FBLN2: variants seen among roughly 807,000 people sequenced by gnomAD.
FBLN2 encodes the protein fibulin-2.
Under a neutral mutation model 123.7 loss-of-function variants are expected in FBLN2, and 81 were observed. The ratio of observed to expected loss-of-function variants is 0.65; its 90% CI spans 0.55 to 0.79. The LOEUF (loss-of-function observed/expected upper bound fraction) is 0.79. Among genes scored for constraint, FBLN2 ranks in the 30% least tolerant of loss-of-function variants. FBLN2 has a pLI of 0.00. For missense variants in FBLN2, 1,603 were observed against 1,681.3 expected (o/e 0.95, Z 0.81); for synonymous variants, 699 against 701.4 (o/e 1.00, Z 0.05).
At chr3:13,604,090 T>A (rs538595661) in intron 2 of FBLN2, among the ~76,000 whole-genome samples, 3 of 152,336 alleles carry the variant, frequency 2.0e-5, no homozygotes, top group African/African-American at 7.2e-5. Flanking sequence ...GGTTGTTTGA[T>A]TTTTTCTTGT....
chr3:13,569,323 A>G (rs886315645), intron 1 of FBLN2, among the ~76,000 whole-genome samples: 4 of 151,962 alleles, frequency 2.6e-5, no homozygotes, highest in African/African-American at 7.3e-5. Context: ...CTTTCTGGCC[A>G]TGGGAAACTG....
chr3:13,636,190 G>T (rs1706459239), intron 16 of FBLN2, among the ~76,000 whole-genome samples: 1 of 152,212 alleles, frequency 6.6e-6, no homozygotes, highest in South Asian at 2.1e-4. Context: ...GGCATCCAGG[G>T]GAGGGAGCTG....
intron 2 of FBLN2, among the ~76,000 whole-genome samples, chr3:13,605,439 A>G (rs1391026598): frequency 6.6e-6 from 1 of 152,156 alleles, no homozygotes; most frequent in Non-Finnish European, 1.5e-5. Context: ...AAATTTGTAT[A>G]GTAGAACTGA....
At chr3:13,610,970 C>G (rs1045356273) in intron 4 of FBLN2, among the ~76,000 whole-genome samples, 2 of 151,674 alleles carry the variant, frequency 1.3e-5, no homozygotes, top group African/African-American at 2.4e-5. Flanking sequence ...TGCAGTGGTA[C>G]GATCTCGTCT....
intron 9 of FBLN2, among the ~76,000 whole-genome samples, chr3:13,624,316 C>G (rs1183093689): frequency 6.6e-6 from 1 of 152,186 alleles, no homozygotes; most frequent in Non-Finnish European, 1.5e-5. Context: ...CCCTGGTGAG[C>G]CTCCGCTCAT....
At chr3:13,607,276 G>A (rs1249436773) in intron 2 of FBLN2, among the ~76,000 whole-genome samples, 1 of 152,018 alleles carries the variant, frequency 6.6e-6, no homozygotes, top group Admixed American at 6.6e-5. Context: ...ATGAGCCACC[G>A]CACCCAGCCT....
intron 4 of FBLN2, among the ~76,000 whole-genome samples, chr3:13,612,284 C>CT (rs1705415994): frequency 1.7e-5 from 2 of 116,158 alleles, no homozygotes; most frequent in Non-Finnish European, 3.5e-5. Flanking sequence ...CTTTTCTTTT[C>CT]TTTTATTTTC....
rs1263813937 is a variant in FBLN2 at position 13,567,578 on chromosome 3, G to A, written c.-41-2737G>A. ...TCACCACGTTGGCCAGGCTGGTCTCGAACTCCTGACCTCAAGTGATCCGCC... is the reference window on the plus strand; with the variant it reads ...TCACCACGTTGGCCAGGCTGGTCTCAAACTCCTGACCTCAAGTGATCCGCC... On this transcript the variant is annotated intron_variant, in intron 1 of 17. Coordinates refer to ENST00000404922, the MANE Select transcript of FBLN2 (RefSeq NM_001004019.2). Among the ~76,000 whole-genome samples the A allele has an allele frequency of 3.3e-5, 5 of 152,114 alleles. No homozygotes were observed. The South Asian group carries it at 8.3e-4, about 25-fold the overall frequency.
At chr3:13,617,139 CATCA>C (rs773494925) in intron 5 of FBLN2, among the ~76,000 whole-genome samples, 12,266 of 117,226 alleles carry the variant, frequency 0.1, 1,701 homozygotes, top group African/African-American at 0.42. Flanking sequence ...CCCATCCATT[CATCA>C]ATCCATCCAT....
chr3:13,560,189 G>C (rs1337667349), intron 1 of FBLN2, among the ~76,000 whole-genome samples: 2 of 152,126 alleles, frequency 1.3e-5, no homozygotes, highest in Non-Finnish European at 2.9e-5. Context: ...GTGTATGTAG[G>C]GTCAGCTCTT....
intron 8 of FBLN2, 88 bp from the exon 9 acceptor site, chr3:13,621,687 G>A: frequency 2.1e-6 from 3 of 1,456,824 alleles, no homozygotes; most frequent in South Asian, 1.3e-5. Context: ...GCCCCTTGCT[G>A]GGTCTCATTC....
At position 13,571,226 on chromosome 3, in the gene FBLN2, G is replaced by T; in HGVS notation, c.871G>T (p.Ala291Ser). ...EEEEEEREEM[A>S]VTEQLAAGGH... ...GGAGGAGGAGGAGAGAGAGGAAATGGCTGTCACTGAGCAGCTGGCAGCAGG... is the reference window on the plus strand; with the variant it reads ...GGAGGAGGAGGAGAGAGAGGAAATGTCTGTCACTGAGCAGCTGGCAGCAGG... Residue 291 changes from alanine (A) to serine (S), a missense_variant, in exon 2 of 18, where the codon GCT becomes TCT. Coordinates refer to ENST00000404922, the MANE Select transcript of FBLN2 (RefSeq NM_001004019.2). 6.4e-7 allele frequency: 1 copy of T among 1,569,914 alleles called. No homozygotes were observed. Among genetic ancestry groups the T allele is most frequent in the Non-Finnish European group, 8.6e-7 (1 of 1,157,896 alleles).
intron 2 of FBLN2, among the ~76,000 whole-genome samples, chr3:13,572,899 G>A (rs1704009649): frequency 6.6e-6 from 1 of 152,176 alleles, no homozygotes; most frequent in South Asian, 2.1e-4. Flanking sequence ...CAGAAGCCTG[G>A]TCTAGCTTCC....
intron 14 of FBLN2, among the ~76,000 whole-genome samples, chr3:13,630,390 A>AGG (rs1384079635): frequency 6.6e-6 from 1 of 152,180 alleles, no homozygotes; most frequent in Non-Finnish European, 1.5e-5. Flanking sequence ...CTGCTCAGTG[A>AGG]GGGGGCGAGG....
chr3:13,579,800 CTG>C (rs1200865495), intron 2 of FBLN2, among the ~76,000 whole-genome samples: 2 of 152,208 alleles, frequency 1.3e-5, no homozygotes, highest in Non-Finnish European at 2.9e-5. Context: ...GTCGATGTGT[CTG>C]TGCTTTTTTT....
chr3:13,597,173 C>G (rs950639638), intron 2 of FBLN2, among the ~76,000 whole-genome samples: 2 of 152,196 alleles, frequency 1.3e-5, no homozygotes, highest in African/African-American at 4.8e-5. Flanking sequence ...CTCAAGCAAC[C>G]CTCCTGCTTC....
intron 2 of FBLN2, among the ~76,000 whole-genome samples, chr3:13,581,667 G>A (rs1704336762): frequency 6.6e-6 from 1 of 152,178 alleles, no homozygotes; most frequent in Non-Finnish European, 1.5e-5. Context: ...CCATGGTGGG[G>A]ATTAAGGAGG....
chr3:13,610,008 A>C (rs529623363), intron 4 of FBLN2, among the ~76,000 whole-genome samples: 22 of 152,300 alleles, frequency 1.4e-4, no homozygotes, highest in African/African-American at 4.8e-4. Flanking sequence ...GATTGTGCTA[A>C]GGAGAAAAAC....
chr3:13,596,346 C>G (rs976865664), intron 2 of FBLN2, among the ~76,000 whole-genome samples: 1 of 152,124 alleles, frequency 6.6e-6, no homozygotes, highest in African/African-American at 2.4e-5. Flanking sequence ...ACTGTGTTAC[C>G]TAGGCTGGTC....
Sources: allele counts gnomAD v4.1 joint callset (sites outside exome capture counted in the v4.1 genomes callset), GRCh38; gene constraint gnomAD v4.1.1; transcripts MANE v1.5; gene names NCBI Gene and HGNC (gene_info 2026-07-23, HGNC 2026-07-21).